The following ZRANB3 variants were observed in gnomAD, a reference collection of about 807,000 sequenced individuals.
ZRANB3 encodes DNA annealing helicase and endonuclease ZRANB3.
A neutral mutation model predicts 133.8 loss-of-function variants in ZRANB3; 125 were observed. The observed-to-expected ratio is 0.93, with a 90% CI of 0.81 to 1.08. ZRANB3 has a LOEUF of 1.08. ZRANB3 is among the 50% of genes least tolerant of loss of function. The pLI, the probability that ZRANB3 is intolerant of heterozygous loss-of-function variation, is 0.00. For synonymous variants in ZRANB3, 387 were observed against 432.7 expected, an observed-to-expected ratio of 0.89 and a Z score of 1.31; for missense variants, 1,229 against 1,275.5, an observed-to-expected ratio of 0.96 and a Z score of 0.56.
intron 8 of ZRANB3, among the ~76,000 whole-genome samples, chr2:135,284,016 A>T (rs1040925303): frequency 3.9e-5 from 6 of 152,146 alleles, no homozygotes; most frequent in Non-Finnish European, 7.4e-5. Context: ...AACAGGTAAC[A>T]CATTAATCCA....
intron 3 of ZRANB3, among the ~76,000 whole-genome samples, chr2:135,383,644 C>G (rs891038243): frequency 9.9e-5 from 15 of 152,060 alleles, no homozygotes; most frequent in Admixed American, 5.2e-4. Context: ...ATAACAAACT[C>G]TCTCTCAGAC....
intron 2 of ZRANB3, among the ~76,000 whole-genome samples, chr2:135,392,760 A>C (rs996052281): frequency 6.6e-6 from 1 of 152,174 alleles, no homozygotes; most frequent in Non-Finnish European, 1.5e-5. Flanking sequence ...AAACCACAAC[A>C]ACAACAACAA....
chr2:135,406,359 C>A lies in ZRANB3; in HGVS notation c.162-15539G>T, dbSNP rs910638634. Among the ~76,000 whole-genome samples, 3 of 152,244 alleles carry A rather than the reference C, an allele frequency of 2.0e-5. No homozygotes were observed. In the South Asian group the frequency reaches 6.2e-4, roughly 32 times the overall value. On this transcript the variant is annotated intron_variant, in intron 2 of 20. Transcript: ENST00000264159. ...TTTACCAACCAAAAAAAGCCCAGGA[C>A]CAGATGGATTCACAGCCGAATTCTA...
At chr2:135,417,786 A>G (rs1432656852) in intron 2 of ZRANB3, among the ~76,000 whole-genome samples, 1 of 152,212 alleles carries the variant, frequency 6.6e-6, no homozygotes, top group Non-Finnish European at 1.5e-5. Context: ...CAGCCATAAA[A>G]AGTGATGAGT....
rs1683789051 is a variant in ZRANB3 at position 135,325,865 on chromosome 2, A to G, written c.678-10335T>C. ...ATCACTACAAAGGAGAATTGTCTCC[A>G]AATATTAGAAGTTTCTAGATCTAAA... On this transcript the variant is annotated intron_variant, in intron 6 of 20. Coordinates refer to ENST00000264159, the MANE Select transcript of ZRANB3 (RefSeq NM_032143.4). 3.3e-5 allele frequency among the ~76,000 whole-genome samples: 5 copies of G among 152,232 alleles called. No individual in the cohort carries two copies. The South Asian group carries it at 1.0e-3, about 32-fold the overall frequency.
At position 135,416,283 on chromosome 2, in the gene ZRANB3, C is replaced by T. The variant is rs1042998277; in HGVS notation, c.162-25463G>A. ...AGTCTCAGGATACAAAATCAATGTGCAAAAATCACAAGCATTCTTATACAC... is the reference window on the plus strand; with the variant it reads ...AGTCTCAGGATACAAAATCAATGTGTAAAAATCACAAGCATTCTTATACAC... On this transcript the variant is annotated intron_variant, in intron 2 of 20. Coordinates refer to ENST00000264159, the MANE Select transcript of ZRANB3 (RefSeq NM_032143.4). 2.6e-4 allele frequency among the ~76,000 whole-genome samples: 40 copies of T among 152,170 alleles called. 1 individual carries two copies. The highest frequency in any genetic ancestry group is 3.4e-3 in the Middle Eastern group (1 of 294).
chr2:135,368,471 C>A (rs774971485), intron 3 of ZRANB3, among the ~76,000 whole-genome samples: 1 of 151,804 alleles, frequency 6.6e-6, no homozygotes, highest in African/African-American at 2.4e-5. Context: ...TCATGGTTAA[C>A]ATCATGTCAT....
intron 12 of ZRANB3, among the ~76,000 whole-genome samples, chr2:135,263,110 T>G (rs192678888): frequency 6.6e-6 from 1 of 152,194 alleles, no homozygotes; most frequent in African/African-American, 2.4e-5. Context: ...ATATCCATTC[T>G]TCTCTCCCAG....
chr2:135,200,837 C>T (rs1276568592), intron 20 of ZRANB3, among the ~76,000 whole-genome samples: 5 of 149,296 alleles, frequency 3.3e-5, no homozygotes, highest in Non-Finnish European at 5.9e-5. Flanking sequence ...CTCACTGCAA[C>T]CTCCGCCCCA....
intron 2 of ZRANB3, among the ~76,000 whole-genome samples, chr2:135,494,319 A>AAG (rs1553504242): frequency 6.6e-6 from 1 of 150,768 alleles, no homozygotes; most frequent in East Asian, 1.9e-4. Context: ...AAAAAAAAAA[A>AAG]AAAAGAAAAG....
At chr2:135,329,528 T>C (rs1354854178) in intron 6 of ZRANB3, among the ~76,000 whole-genome samples, 4 of 152,218 alleles carry the variant, frequency 2.6e-5, no homozygotes, top group Non-Finnish European at 5.9e-5. Flanking sequence ...CTTAGGATTG[T>C]CTTGGCAATG....
chr2:135,472,424 C>T (rs1339758991), intron 2 of ZRANB3, among the ~76,000 whole-genome samples: 1 of 148,216 alleles, frequency 6.7e-6, no homozygotes, highest in Non-Finnish European at 1.5e-5. Context: ...GGCGTGAACC[C>T]GGGAGGCGGA....
chr2:135,486,577 T>C (rs1365318016), intron 2 of ZRANB3, among the ~76,000 whole-genome samples: 1 of 151,982 alleles, frequency 6.6e-6, no homozygotes, highest in Admixed American at 6.6e-5. Context: ...TGCAGTGGTG[T>C]GATCTCAGCT....
intron 2 of ZRANB3, 74 bp downstream of exon 2, chr2:135,504,255 G>A: frequency 6.4e-7 from 1 of 1,572,004 alleles, no homozygotes; most frequent in Non-Finnish European, 8.7e-7. Flanking sequence ...CGAAAAGAAA[G>A]TTTGAACAGA....
chr2:135,375,843 C>T (rs182976149), intron 3 of ZRANB3, among the ~76,000 whole-genome samples: 4 of 150,790 alleles, frequency 2.7e-5, no homozygotes, highest in Admixed American at 6.6e-5. Context: ...GCAACAAGAG[C>T]GAAACTCCAT....
rs183820055 is a variant in ZRANB3 at position 135,378,394 on chromosome 2, G to A, written c.180+12408C>T. ...TGTAATCCCAACTACTCAGGAGGCT[G>A]AGGCAGGAGAATTGCTTGAACCCGG... is the stretch of plus-strand genomic sequence containing the variant. On this transcript the variant is annotated intron_variant, in intron 3 of 20. Coordinates refer to ENST00000264159, the MANE Select transcript of ZRANB3 (RefSeq NM_032143.4). 1.8e-4 allele frequency among the ~76,000 whole-genome samples: 28 copies of A among 152,162 alleles called. No homozygotes were observed. In the East Asian group the frequency reaches 5.0e-3, roughly 27 times the overall value.
intron 12 of ZRANB3, among the ~76,000 whole-genome samples, chr2:135,233,775 A>C (rs1374741769): frequency 1.3e-5 from 2 of 152,206 alleles, no homozygotes; most frequent in Non-Finnish European, 2.9e-5. Context: ...ACCTGCCCTA[A>C]AAGAGCTCCT....
chr2:135,308,610 GTTTGT>G (rs1239449263), intron 8 of ZRANB3, among the ~76,000 whole-genome samples: 4 of 151,704 alleles, frequency 2.6e-5, no homozygotes, highest in Non-Finnish European at 1.5e-5. Flanking sequence ...GTTCTTTTTT[GTTTGT>G]TTTGTCTTTT....
chr2:135,296,162 C>T (rs1682073962), intron 8 of ZRANB3, among the ~76,000 whole-genome samples: 2 of 152,190 alleles, frequency 1.3e-5, no homozygotes, highest in Non-Finnish European at 2.9e-5. Flanking sequence ...GGATAATATC[C>T]TGCAGAGTGT....
Sources: allele counts gnomAD v4.1 joint callset (sites outside exome capture counted in the v4.1 genomes callset), GRCh38; gene constraint gnomAD v4.1.1; transcripts MANE v1.5; gene names NCBI Gene and HGNC (gene_info 2026-07-23, HGNC 2026-07-21).